SMIM20: variants seen among roughly 807,000 people sequenced by gnomAD.
The protein encoded by SMIM20 is small integral membrane protein 20, also known as mitochondrial translation regulation assembly intermediate of cytochrome c oxidase protein of 7 kDa.
In SMIM20, 3 loss-of-function variants were observed where a neutral mutation model predicts 8.7. That is an observed-to-expected ratio of 0.34 (90% CI 0.16 to 0.89). SMIM20 has a LOEUF of 0.89. SMIM20 is among the 40% of genes least tolerant of loss of function. The pLI is 0.49. For synonymous variants in SMIM20, 44 were observed against 33.6 expected, an observed-to-expected ratio of 1.31 and a Z score of -1.07; for missense variants, 85 against 84.8, an observed-to-expected ratio of 1.00 and a Z score of -0.01.
chr4:25,929,512 G>A lies in SMIM20; in HGVS notation c.*321G>A, dbSNP rs535598157. The A allele has an allele frequency of 2.4e-5, 6 of 252,528 alleles. No homozygotes were observed. Among genetic ancestry groups the A allele is most frequent in the Admixed American group, 5.4e-5 (1 of 18,436 alleles). The allele number at this position is 252,528 out of a possible 1,614,324, so 15.6% of individuals were successfully genotyped here. On this transcript the variant is annotated 3_prime_UTR_variant, in exon 3 of 3. Transcript: ENST00000506197. Reference sequence around the variant, plus strand: ...TTCTGTCGTTACCACTTACTCAAGCGAGCTGTGATATGAATACAAGCAACC... The same window carrying A: ...TTCTGTCGTTACCACTTACTCAAGCAAGCTGTGATATGAATACAAGCAACC...
At chr4:25,918,880 T>C (rs1213491812) in intron 1 of SMIM20, among the ~76,000 whole-genome samples, 2 of 150,400 alleles carry the variant, frequency 1.3e-5, no homozygotes, top group East Asian at 2.0e-4. Flanking sequence ...TTTGTCCTTA[T>C]GTGAATATCT....
Position 25,929,318 on chromosome 4 carries a change from A to G in SMIM20, c.*127A>G, listed in dbSNP as rs1711589223. ...AGAAAACTCTGTAATACCATAAATA[A>G]GAGTGCTTGTAATAAAAGACTGTGC... On this transcript the variant is annotated 3_prime_UTR_variant, in exon 3 of 3. Coordinates refer to ENST00000506197, the MANE Select transcript of SMIM20 (RefSeq NM_001145432.3). 3.4e-6 allele frequency: 3 copies of G among 882,420 alleles called. No homozygotes were observed. Among genetic ancestry groups the G allele is most frequent in the East Asian group, 5.5e-5 (2 of 36,546 alleles). The allele number at this position is 882,420 out of a possible 1,614,324, so 54.7% of individuals were successfully genotyped here.
At chr4:25,918,074 C>G (rs1022609892) in intron 1 of SMIM20, among the ~76,000 whole-genome samples, 1 of 151,868 alleles carries the variant, frequency 6.6e-6, no homozygotes, top group Non-Finnish European at 1.5e-5. Context: ...TCCCAAGTAG[C>G]TGGGATTACA....
At chr4:25,920,380 A>AGGAAACTAATTTTTCTTTTTCTC (rs1719174912) in intron 1 of SMIM20, among the ~76,000 whole-genome samples, 1 of 152,190 alleles carries the variant, frequency 6.6e-6, no homozygotes, top group South Asian at 2.1e-4. Flanking sequence ...TTTCTCACAC[A>AGGAAACTAATTTTTCTTTTTCTC]AAAGTTTAAA....
At chr4:25,919,147 A>G (rs1006729453) in intron 1 of SMIM20, among the ~76,000 whole-genome samples, 5 of 146,332 alleles carry the variant, frequency 3.4e-5, no homozygotes, top group African/African-American at 1.3e-4. Context: ...CTCATGATCC[A>G]CCCGCCTCGG....
At chr4:25,915,641 C>A (rs771491451) in intron 1 of SMIM20, among the ~76,000 whole-genome samples, 2 of 152,100 alleles carry the variant, frequency 1.3e-5, no homozygotes, top group Non-Finnish European at 2.9e-5. Flanking sequence ...TGTGTGAAGC[C>A]CTGCGGGATC....
intron 1 of SMIM20, among the ~76,000 whole-genome samples, chr4:25,915,004 C>G (rs1451770495): frequency 6.6e-6 from 1 of 152,170 alleles, no homozygotes; most frequent in Non-Finnish European, 1.5e-5. Context: ...AACCCTGATC[C>G]TTCTGAGTGG....
At chr4:25,919,345 C>A (rs1434145544) in intron 1 of SMIM20, among the ~76,000 whole-genome samples, 1 of 149,236 alleles carries the variant, frequency 6.7e-6, no homozygotes, top group Non-Finnish European at 1.5e-5. Context: ...TTTGTGTCTT[C>A]TTTTTTTTTT....
chr4:25,916,800 C>T (rs772427903), intron 1 of SMIM20, among the ~76,000 whole-genome samples: 5 of 152,200 alleles, frequency 3.3e-5, no homozygotes, highest in Non-Finnish European at 7.3e-5. Context: ...AAGCGATCCT[C>T]CTGCCTCAGC....
chr4:25,925,773 G>A (rs1246346190), intron 1 of SMIM20, among the ~76,000 whole-genome samples: 6 of 152,160 alleles, frequency 3.9e-5, no homozygotes, highest in African/African-American at 9.7e-5. Context: ...TGTATTTTCC[G>A]GTGTGGACAT....
chr4:25,922,227 G>A (rs1472690662), intron 1 of SMIM20, among the ~76,000 whole-genome samples: 1 of 152,084 alleles, frequency 6.6e-6, no homozygotes, highest in African/African-American at 2.4e-5. Flanking sequence ...AGAGATGGAG[G>A]GCCAAGAAAG....
intron 1 of SMIM20, among the ~76,000 whole-genome samples, chr4:25,920,158 G>GCTCC (rs1340800963): frequency 6.6e-6 from 1 of 152,198 alleles, no homozygotes; most frequent in East Asian, 1.9e-4. Flanking sequence ...TAATTACAGT[G>GCTCC]CTCCAGTAAC....
intron 1 of SMIM20, among the ~76,000 whole-genome samples, chr4:25,921,575 C>T (rs1719202885): frequency 6.6e-6 from 1 of 152,146 alleles, no homozygotes; most frequent in Non-Finnish European, 1.5e-5. Flanking sequence ...GCTTTTGAGG[C>T]TGAGGTAGCT....
chr4:25,923,597 C>G (rs1224272217), intron 1 of SMIM20, among the ~76,000 whole-genome samples: 1 of 152,188 alleles, frequency 6.6e-6, no homozygotes, highest in Non-Finnish European at 1.5e-5. Flanking sequence ...GTTCAACAGC[C>G]AGCCAAGTGA....
chr4:25,920,097 T>C (rs1457205291), intron 1 of SMIM20, among the ~76,000 whole-genome samples: 1 of 152,236 alleles, frequency 6.6e-6, no homozygotes, highest in Non-Finnish European at 1.5e-5. Context: ...TCTTCTGCCA[T>C]GGTTTTTGAA....
rs933279842 is a variant in SMIM20, at chr4:25,918,231, C to T, written c.109+3809C>T. Among the ~76,000 whole-genome samples, 6 of 151,868 alleles carry T rather than the reference C, an allele frequency of 4.0e-5. No homozygotes were observed. In the East Asian group the frequency reaches 7.8e-4, roughly 20 times the overall value. On this transcript the variant is annotated intron_variant, in intron 1 of 2. Transcript: ENST00000506197. The stretch of plus-strand genomic sequence containing the variant: ...TGCTGGGATTACAGGCGTGAGCCAC[C>T]GCGCCTGGCCCAGGTCAGTTTTTGT...
In SMIM20 at chr4:25,914,310, C is replaced by T. The variant is rs1004052444; in HGVS notation, c.-4C>T. The T allele has an allele frequency of 8.6e-5, 133 of 1,549,596 alleles. No homozygotes were observed. Among genetic ancestry groups the T allele is most frequent in the Non-Finnish European group, 1.1e-4 (129 of 1,145,636 alleles). On this transcript the variant is annotated 5_prime_UTR_variant, in exon 1 of 3. It adds an upstream start codon to the 5' untranslated region. Coordinates refer to ENST00000506197, the MANE Select transcript of SMIM20 (RefSeq NM_001145432.3). The stretch of plus-strand genomic sequence containing the variant: ...CGGGTCAGGGCAGCCCGGGGCCTGA[C>T]GCCATGTCCCGGAACCTGCGCACCG...
chr4:25,928,968 T>C (rs945607953), intron 2 of SMIM20, among the ~76,000 whole-genome samples, 186 bp from the exon 3 acceptor site: 1 of 152,194 alleles, frequency 6.6e-6, no homozygotes, highest in Non-Finnish European at 1.5e-5. Flanking sequence ...CATTTAAAAG[T>C]CCCTTATGGC....
chr4:25,914,305 C>A lies in SMIM20; in HGVS notation c.-9C>A, dbSNP rs1463231434. ...GTCGGCGGGTCAGGGCAGCCCGGGG[C>A]CTGACGCCATGTCCCGGAACCTGCG... On this transcript the variant is annotated 5_prime_UTR_variant, in exon 1 of 3. Transcript: ENST00000506197. 6.5e-7 allele frequency: 1 copy of A among 1,549,362 alleles called. No individual in the cohort carries two copies. The highest frequency in any genetic ancestry group is 1.2e-5 in the South Asian group (1 of 83,882).
Sources: allele counts gnomAD v4.1 joint callset (sites outside exome capture counted in the v4.1 genomes callset), GRCh38; gene constraint gnomAD v4.1.1; transcripts MANE v1.5; gene names NCBI Gene and HGNC (gene_info 2026-07-23, HGNC 2026-07-21).